DNAH7: variants seen among roughly 807,000 people sequenced by gnomAD.
DNAH7 encodes the protein axonemal beta dynein heavy chain 7.
In DNAH7, 397 loss-of-function variants were observed where a neutral mutation model predicts 444.6. That is an observed-to-expected ratio of 0.89 (90% CI 0.82 to 0.97). The LOEUF is 0.97. Among genes scored for constraint, DNAH7 ranks in the 50% least tolerant of loss-of-function variants. DNAH7 has a pLI of 0.00. For missense variants in DNAH7, 4,902 were observed against 4,800.8 expected (o/e 1.02, Z -0.62); for synonymous variants, 1,636 against 1,624.4 (o/e 1.01, Z -0.17).
chr2:195,893,999 CA>C (rs1199522609), intron 30 of DNAH7: 1 of 149,762 alleles, frequency 6.7e-6, no homozygotes, highest in Non-Finnish European at 1.5e-5. Flanking sequence ...ATGCAGAAGA[CA>C]ATTAAGAAGT....
At chr2:195,950,241 T>TC (rs1398825499) in intron 19 of DNAH7, among the ~76,000 whole-genome samples, 1 of 151,988 alleles carries the variant, frequency 6.6e-6, no homozygotes, top group African/African-American at 2.4e-5. Flanking sequence ...GTCCTGGGCT[T>TC]TTTTTTGGTT....
intron 50 of DNAH7, 81 bp downstream of exon 50, chr2:195,817,615 A>AAG: frequency 7.2e-7 from 1 of 1,396,882 alleles, no homozygotes; most frequent in Non-Finnish European, 9.5e-7. Context: ...AATCTAACAA[A>AAG]AGAGATCTGT....
chr2:196,060,876 A>G (rs1480791378), intron 1 of DNAH7, among the ~76,000 whole-genome samples: 1 of 152,166 alleles, frequency 6.6e-6, no homozygotes, highest in Non-Finnish European at 1.5e-5. Context: ...CTCAATTTCC[A>G]GAATGATTAT....
In DNAH7 at chr2:195,984,661, G is replaced by A. The variant is rs1692790203; in HGVS notation, c.1804C>T (p.Pro602Ser). 1.2e-6 allele frequency: 2 copies of A among 1,613,908 alleles called. No individual in the cohort carries two copies. The highest frequency in any genetic ancestry group is 1.7e-6 in the Non-Finnish European group (2 of 1,179,940). ...ATTTCCATTAGTTCTGCTGTATTTG[G>A]AGGAGTGCTAAGAGCTTTTTCAGCT... The part of the protein sequence containing the change: ...RIAEKALSTP[P>S]NTAELMEMKA... Residue 602 changes from proline (P) to serine (S), a missense_variant, in exon 15 of 65, where the codon CCA (proline) becomes TCA (serine). Pro to Ser is a moderately conservative substitution (Grantham distance 74, BLOSUM62 -1). Coordinates refer to ENST00000312428, the MANE Select transcript of DNAH7 (RefSeq NM_018897.3).
At chr2:196,019,692 TTTTA>T (rs1293136655) in intron 8 of DNAH7, among the ~76,000 whole-genome samples, 1 of 152,204 alleles carries the variant, frequency 6.6e-6, no homozygotes, top group East Asian at 1.9e-4. Context: ...AAAATTCCTC[TTTTA>T]TTTTTATTTT....
At chr2:196,067,250 A>T (rs551503203) in intron 1 of DNAH7, among the ~76,000 whole-genome samples, 1 of 152,334 alleles carries the variant, frequency 6.6e-6, no homozygotes, top group Non-Finnish European at 1.5e-5. Context: ...AATGTGGTAA[A>T]AGTGTATTTT....
intron 6 of DNAH7, among the ~76,000 whole-genome samples, chr2:196,027,522 T>C (rs1244567040): frequency 6.6e-6 from 1 of 152,054 alleles, no homozygotes. Flanking sequence ...TTAGAAAAAA[T>C]TTAAATGTCA....
At chr2:195,908,972 T>C (rs1439113334) in intron 25 of DNAH7, among the ~76,000 whole-genome samples, 3 of 152,174 alleles carry the variant, frequency 2.0e-5, no homozygotes, top group African/African-American at 7.2e-5. Context: ...TTTTTAATGT[T>C]AACTTTTTCT....
intron 15 of DNAH7, among the ~76,000 whole-genome samples, chr2:195,981,370 T>C (rs1692560456): frequency 6.6e-6 from 1 of 152,026 alleles, no homozygotes; most frequent in Non-Finnish European, 1.5e-5. Context: ...TCCATGTTCA[T>C]AAATTAGAAG....
chr2:195,799,243 CA>C (rs1358553788), intron 55 of DNAH7, 52 bp downstream of exon 55: 1 of 1,376,538 alleles, frequency 7.3e-7, no homozygotes, highest in Non-Finnish European at 9.6e-7. Flanking sequence ...CAATTATAAG[CA>C]AGTATTGCTT....
rs112529824 is a variant in DNAH7, at chr2:196,045,306, GA to G, written c.398+2045del. On this transcript the variant is annotated intron_variant, in intron 5 of 64. Coordinates refer to ENST00000312428, the MANE Select transcript of DNAH7 (RefSeq NM_018897.3). ...GAGGGAGGAGAAAGAAAAGAAAAAA[GA>G]AAAAAAAGAGGAAAGAATAAAAGAG... Among the ~76,000 whole-genome samples the G allele has an allele frequency of 6.5e-4, 96 of 146,908 alleles. 1 individual carries two copies. The South Asian group carries it at 0.011, about 16-fold the overall frequency.
rs542882599 is a variant in DNAH7, at chr2:195,941,256, C to T, written c.3079-4464G>A. Among the ~76,000 whole-genome samples the T allele has an allele frequency of 5.9e-5, 9 of 152,078 alleles. No individual in the cohort carries two copies. The South Asian group carries it at 1.2e-3, about 21-fold the overall frequency. ...TGAAGCTGGAAGCCATCATTCTCAG[C>T]AAACTAACACAGGAACAGAAAACCA... On this transcript the variant is annotated intron_variant, in intron 19 of 64. Coordinates refer to ENST00000312428, the MANE Select transcript of DNAH7 (RefSeq NM_018897.3).
chr2:195,740,650 T>TATATATATATATATACAC (rs1453163601), intron 64 of DNAH7, 116 bp downstream of exon 64: 1 of 72,218 alleles, frequency 1.4e-5, no homozygotes, highest in African/African-American at 6.6e-5. Flanking sequence ...TATATACATA[T>TATATATATATATATACAC]ACACACACAC....
Position 195,900,310 on chromosome 2 carries a change from G to A in DNAH7, c.4520C>T (p.Ser1507Leu), listed in dbSNP as rs1212269435. Residue 1507 changes from serine (S) to leucine (L), a missense_variant, in exon 28 of 65, where the codon TCA becomes TTA. Ser to Leu is a moderately radical substitution (Grantham distance 145). Transcript: ENST00000312428. Reference protein sequence around the residue: ...HYDYGMRAVKSVLTAAGNLKL... With the variant: ...HYDYGMRAVKLVLTAAGNLKL... The stretch of plus-strand genomic sequence containing the variant: ...CAGATTCCCAGCAGCAGTAAGAACT[G>A]ACTTCACGGCTCTCATTCCATAGTC... 5 of 1,613,820 alleles carry A rather than the reference G, an allele frequency of 3.1e-6. No individual in the cohort carries two copies. The highest frequency in any genetic ancestry group is 2.2e-5 in the East Asian group (1 of 44,892).
intron 24 of DNAH7, among the ~76,000 whole-genome samples, 196 bp from the exon 25 acceptor site, chr2:195,910,391 T>C (rs1658573077): frequency 6.6e-6 from 1 of 152,208 alleles, no homozygotes. Context: ...TCTGAATAGC[T>C]ATATATATGC....
At chr2:195,803,665 C>A (rs1696577845) in intron 54 of DNAH7, among the ~76,000 whole-genome samples, 1 of 152,158 alleles carries the variant, frequency 6.6e-6, no homozygotes, top group Non-Finnish European at 1.5e-5. Flanking sequence ...AGTCTGCGGT[C>A]TTCTATGTAT....
At chr2:195,966,165 G>A (rs1041138857) in intron 17 of DNAH7, among the ~76,000 whole-genome samples, 1 of 151,752 alleles carries the variant, frequency 6.6e-6, no homozygotes, top group Non-Finnish European at 1.5e-5. Flanking sequence ...ATTATCATTT[G>A]TTTCAAGAAA....
At chr2:195,820,460 A>C (rs1397684563) in intron 49 of DNAH7, among the ~76,000 whole-genome samples, 1 of 151,606 alleles carries the variant, frequency 6.6e-6, no homozygotes, top group Non-Finnish European at 1.5e-5. Context: ...CTTAAAGTAA[A>C]ATTAAAAAAA....
intron 33 of DNAH7, among the ~76,000 whole-genome samples, chr2:195,887,152 A>G (rs888124965): frequency 6.6e-6 from 1 of 152,238 alleles, no homozygotes; most frequent in Non-Finnish European, 1.5e-5. Context: ...TGCACAGCAC[A>G]TTTTAAAAAG....
Sources: gnomAD v4.1 joint callset for allele counts (sites outside exome capture counted in the v4.1 genomes callset) on GRCh38, gnomAD v4.1.1 for gene constraint, MANE v1.5 for transcripts, NCBI Gene and HGNC (gene_info 2026-07-23, HGNC 2026-07-21) for gene names.